DACH1: variants seen among roughly 807,000 people sequenced by gnomAD.
DACH1 encodes the protein dachshund homolog 1.
DACH1 carries 12 observed loss-of-function variants against 54.2 expected under a neutral mutation model. The observed-to-expected ratio is 0.22, with a 90% CI of 0.14 to 0.36. The LOEUF is 0.36. Among genes scored for constraint, DACH1 ranks in the 10% least tolerant of loss-of-function variants. The pLI, the probability that DACH1 is intolerant of heterozygous loss-of-function variation, is 1.00. For synonymous variants in DACH1, 386 were observed against 366.2 expected, an observed-to-expected ratio of 1.05 and a Z score of -0.62; for missense variants, 805 against 929.8, an observed-to-expected ratio of 0.87 and a Z score of 1.75.
chr13:71,689,170 A>G (rs1159922813), intron 1 of DACH1, among the ~76,000 whole-genome samples: 5 of 152,180 alleles, frequency 3.3e-5, no homozygotes, highest in Non-Finnish European at 7.3e-5. Flanking sequence ...GTACCAAACC[A>G]TGTTCTATAT....
At chr13:71,590,146 C>G (rs1210969691) in intron 3 of DACH1, among the ~76,000 whole-genome samples, 3 of 151,992 alleles carry the variant, frequency 2.0e-5, no homozygotes, top group African/African-American at 4.8e-5. Context: ...CTTGGGTTCA[C>G]AAGCCACACA....
chr13:71,485,421 T>C (rs1305434916), intron 7 of DACH1, among the ~76,000 whole-genome samples: 1 of 150,916 alleles, frequency 6.6e-6, no homozygotes, highest in Non-Finnish European at 1.5e-5. Context: ...GCTCAAGCAG[T>C]AACAAAAATC....
chr13:71,849,364 C>A (rs1381744945), intron 1 of DACH1, among the ~76,000 whole-genome samples: 1 of 152,110 alleles, frequency 6.6e-6, no homozygotes, highest in Non-Finnish European at 1.5e-5. Flanking sequence ...ATACTGTGAA[C>A]CCCTGCACAG....
intron 3 of DACH1, among the ~76,000 whole-genome samples, chr13:71,624,537 T>C (rs1402782521): frequency 6.6e-6 from 1 of 151,942 alleles, no homozygotes; most frequent in African/African-American, 2.4e-5. Context: ...TGTTAAGTTT[T>C]ACTCACCAGG....
At chr13:71,730,061 T>C (rs959017929) in intron 1 of DACH1, among the ~76,000 whole-genome samples, 6 of 151,990 alleles carry the variant, frequency 3.9e-5, no homozygotes, top group Non-Finnish European at 8.8e-5. Flanking sequence ...GTTGATCAGT[T>C]TTTCTAATCT....
chr13:71,746,999 CAT>C (rs1429052949), intron 1 of DACH1, among the ~76,000 whole-genome samples: 1 of 152,076 alleles, frequency 6.6e-6, no homozygotes, highest in African/African-American at 2.4e-5. Context: ...TGTAGTAACA[CAT>C]ATGTATTAAC....
chr13:71,640,830 A>G (rs555504369), intron 2 of DACH1, among the ~76,000 whole-genome samples: 1 of 152,232 alleles, frequency 6.6e-6, no homozygotes, highest in Non-Finnish European at 1.5e-5. Flanking sequence ...CAATATAATA[A>G]GTGAAAAGAG....
At chr13:71,706,338 G>A (rs1270217235) in intron 1 of DACH1, among the ~76,000 whole-genome samples, 3 of 151,502 alleles carry the variant, frequency 2.0e-5, no homozygotes, top group Non-Finnish European at 4.4e-5. Context: ...AAATCTATTG[G>A]GTAGCATATT....
Position 71,739,186 on chromosome 13 carries a change from A to T in DACH1, c.849-57276T>A, listed in dbSNP as rs147670912. On this transcript the variant is annotated intron_variant, in intron 1 of 10. Transcript: ENST00000613252. Reference sequence around the variant, plus strand: ...AGAATCTCTTGGACCTAGGAGGTGGAGGTTGTGGTGAGCCGAGATCGCGCC... The same window carrying T: ...AGAATCTCTTGGACCTAGGAGGTGGTGGTTGTGGTGAGCCGAGATCGCGCC... Among the ~76,000 whole-genome samples, 448 of 152,162 alleles carry T rather than the reference A, an allele frequency of 2.9e-3. 3 individuals are homozygous for T. The highest frequency in any genetic ancestry group is 0.01 in the African/African-American group (427 of 41,510).
At chr13:71,821,511 T>G (rs1888187014) in intron 1 of DACH1, among the ~76,000 whole-genome samples, 1 of 152,162 alleles carries the variant, frequency 6.6e-6, no homozygotes, top group African/African-American at 2.4e-5. Context: ...CCCCTTAATG[T>G]AGGCAACATC....
At chr13:71,483,026 C>T (rs1878181752) in intron 7 of DACH1, among the ~76,000 whole-genome samples, 1 of 151,850 alleles carries the variant, frequency 6.6e-6, no homozygotes, top group African/African-American at 2.4e-5. Flanking sequence ...TGATTTCAAA[C>T]CCCTTACCTC....
chr13:71,557,740 A>G (rs577115612), intron 5 of DACH1, among the ~76,000 whole-genome samples: 149 of 152,020 alleles, frequency 9.8e-4, no homozygotes, highest in African/African-American at 3.5e-3. Context: ...ACACTATCAC[A>G]GCTGTGTGAT....
intron 6 of DACH1, among the ~76,000 whole-genome samples, chr13:71,533,343 A>G (rs1196370094): frequency 6.6e-6 from 1 of 151,986 alleles, no homozygotes. Flanking sequence ...CGTATTTTCA[A>G]TCTAAAGATC....
intron 2 of DACH1, among the ~76,000 whole-genome samples, chr13:71,661,019 A>G (rs1360671485): frequency 2.0e-5 from 3 of 149,694 alleles, no homozygotes; most frequent in African/African-American, 7.3e-5. Flanking sequence ...TTATAGAAAA[A>G]GATTGTTATA....
chr13:71,854,595 A>G (rs776294110), intron 1 of DACH1, among the ~76,000 whole-genome samples: 1 of 152,030 alleles, frequency 6.6e-6, no homozygotes, highest in Non-Finnish European at 1.5e-5. Context: ...CCTCTGAAAG[A>G]CAAAAAAGGT....
At chr13:71,581,611 T>C (rs918652118) in intron 3 of DACH1, among the ~76,000 whole-genome samples, 2 of 152,218 alleles carry the variant, frequency 1.3e-5, no homozygotes, top group Non-Finnish European at 2.9e-5. Flanking sequence ...GGTAATATGT[T>C]TAACATTTTG....
intron 1 of DACH1, among the ~76,000 whole-genome samples, chr13:71,793,042 T>G (rs540306746): frequency 6.6e-6 from 1 of 152,278 alleles, no homozygotes; most frequent in African/African-American, 2.4e-5. Context: ...TAAATTCACT[T>G]CTTCAATGGG....
chr13:71,743,220 A>G (rs1317677767), intron 1 of DACH1, among the ~76,000 whole-genome samples: 2 of 152,188 alleles, frequency 1.3e-5, no homozygotes, highest in African/African-American at 2.4e-5. Context: ...TAAAGGGAGG[A>G]ATAATCAGGG....
intron 1 of DACH1, among the ~76,000 whole-genome samples, chr13:71,762,337 G>C (rs1885433761): frequency 6.6e-6 from 1 of 152,134 alleles, no homozygotes; most frequent in South Asian, 2.1e-4. Flanking sequence ...GGTGTGAAAA[G>C]ACAAGCAAAG....
Sources: gnomAD v4.1 joint callset for allele counts (sites outside exome capture counted in the v4.1 genomes callset) on GRCh38, gnomAD v4.1.1 for gene constraint, MANE v1.5 for transcripts, NCBI Gene and HGNC (gene_info 2026-07-23, HGNC 2026-07-21) for gene names.